The following RP1 variants were observed in gnomAD, a reference collection of about 807,000 sequenced individuals.
RP1 encodes oxygen-regulated protein 1.
In RP1, 16 loss-of-function variants were observed where a neutral mutation model predicts 14.8. The observed-to-expected ratio is 1.08, with a 90% confidence interval of 0.73 to 1.65. The LOEUF is 1.65. RP1 is among the 40% of genes most tolerant of loss of function. The probability of loss-of-function intolerance (pLI) is 0.00; values close to 1 mark genes in which losing one functional copy is unlikely to be tolerated. For missense variants in RP1, 2,631 were observed against 2,535.0 expected (o/e 1.04, Z -0.81); for synonymous variants, 876 against 883.6 (o/e 0.99, Z 0.15).
At chr8:54,702,260 A>G (rs1422548536) in intron 14 of RP1, among the ~76,000 whole-genome samples, 2 of 152,210 alleles carry the variant, frequency 1.3e-5, no homozygotes, top group South Asian at 2.1e-4. Flanking sequence ...TAACTAGTAT[A>G]GCATAGTTAT....
chr8:54,565,662 T>C (rs571909856), intron 1 of RP1, among the ~76,000 whole-genome samples: 14 of 152,240 alleles, frequency 9.2e-5, no homozygotes, highest in Admixed American at 3.3e-4. Context: ...GGTTAGGGTA[T>C]GTGAGAAACA....
At chr8:54,590,545 G>C (rs760865809) in intron 1 of RP1, among the ~76,000 whole-genome samples, 7 of 152,020 alleles carry the variant, frequency 4.6e-5, no homozygotes, top group Non-Finnish European at 8.8e-5. Context: ...CTCTTACCTT[G>C]TTGGCCACAC....
intron 24 of RP1, among the ~76,000 whole-genome samples, chr8:54,804,676 T>C (rs1315975802): frequency 1.3e-5 from 2 of 152,316 alleles, no homozygotes; most frequent in East Asian, 1.9e-4. Context: ...TACTTCGTAA[T>C]GTTAAAAGCT....
At chr8:54,593,064 AT>A (rs1364987278) in intron 1 of RP1, among the ~76,000 whole-genome samples, 1 of 152,134 alleles carries the variant, frequency 6.6e-6, no homozygotes, top group Non-Finnish European at 1.5e-5. Context: ...AAATTAGGTG[AT>A]ACCCAGTGCC....
chr8:54,622,147 T>C lies in RP1; in HGVS notation c.646T>C (p.Ser216Pro). Reference protein sequence around the residue: ...VPSLQAVILSSGAVVAAGREP... With the variant: ...VPSLQAVILSPGAVVAAGREP... ...CAGCCTCCAGGCAGTGATCCTGAGC[T>C]CTGGAGCTGTGGTGGCGGCAGGAAG... is the stretch of plus-strand genomic sequence containing the variant. Residue 216 changes from serine (S) to proline (P), a missense_variant, in exon 3 of 4, where the codon TCT (serine) becomes CCT (proline). Transcript: ENST00000220676. The C allele has an allele frequency of 6.2e-7, 1 of 1,614,174 alleles. No homozygotes were observed. Among genetic ancestry groups the C allele is most frequent in the Non-Finnish European group, 8.5e-7 (1 of 1,180,036 alleles).
At chr8:54,745,679 T>C (rs1169792775) in intron 19 of RP1, among the ~76,000 whole-genome samples, 1 of 135,040 alleles carries the variant, frequency 7.4e-6, no homozygotes, top group East Asian at 2.1e-4. Flanking sequence ...TTCTTTTTCC[T>C]TTTTTTTTTT....
intron 12 of RP1, among the ~76,000 whole-genome samples, chr8:54,684,476 C>A (rs1807509995): frequency 1.3e-5 from 2 of 152,062 alleles, no homozygotes; most frequent in Admixed American, 1.3e-4. Flanking sequence ...TTTATTACTG[C>A]CTCAATTTCA....
chr8:54,723,487 A>G (rs1808581383), intron 16 of RP1, among the ~76,000 whole-genome samples: 2 of 152,082 alleles, frequency 1.3e-5, no homozygotes, highest in Non-Finnish European at 2.9e-5. Context: ...CTACCATTTA[A>G]CTGTTCTTGC....
chr8:54,840,283 C>G (rs1053959371), intron 25 of RP1, among the ~76,000 whole-genome samples: 1 of 151,916 alleles, frequency 6.6e-6, no homozygotes, highest in East Asian at 1.9e-4. Flanking sequence ...GATGGAGTCT[C>G]TCTCTGTTGC....
At chr8:54,747,372 T>C (rs1809251762) in intron 19 of RP1, among the ~76,000 whole-genome samples, 1 of 152,220 alleles carries the variant, frequency 6.6e-6, no homozygotes, top group South Asian at 2.1e-4. Context: ...ACATTTGCTC[T>C]TGATCACATC....
Position 54,627,133 on chromosome 8 carries a change from C to T in RP1, c.3251C>T (p.Pro1084Leu), listed in dbSNP as rs1431000310. The T allele has an allele frequency of 5.0e-6, 8 of 1,614,020 alleles. No homozygotes were observed. Among genetic ancestry groups the T allele is most frequent in the Non-Finnish European group, 6.8e-6 (8 of 1,179,988 alleles). Reference sequence around the variant, plus strand: ...GAGGAAACTCCAAAAGACCTCTTACCAGTCCTGATGCTTCACCAATTGCAA... The same window carrying T: ...GAGGAAACTCCAAAAGACCTCTTACTAGTCCTGATGCTTCACCAATTGCAA... ...IEEETPKDLL[P>L]VLMLHQLQAS... The change falls in exon 4 of 4, where the codon CCA becomes CTA. Residue 1084 changes from proline to leucine, a missense_variant. Transcript: ENST00000220676.
intron 24 of RP1, among the ~76,000 whole-genome samples, chr8:54,832,416 A>C (rs2129401505): frequency 6.6e-6 from 1 of 151,584 alleles, no homozygotes; most frequent in South Asian, 2.1e-4. Flanking sequence ...ATTTTATTCC[A>C]TTAATTATTA....
chr8:54,840,711 A>G (rs757498673), intron 25 of RP1, among the ~76,000 whole-genome samples: 2 of 151,746 alleles, frequency 1.3e-5, no homozygotes, highest in Non-Finnish European at 2.9e-5. Flanking sequence ...TTGAGCAGCA[A>G]TAAAGGCTCA....
At position 54,628,689 on chromosome 8, in the gene RP1, CCAT is replaced by C; in HGVS notation, c.4808_4810del (p.Pro1603_Tyr1604delinsHis). 1.9e-6 allele frequency: 3 copies of C among 1,614,004 alleles called. No individual in the cohort carries two copies. The highest frequency in any genetic ancestry group is 2.5e-6 in the Non-Finnish European group (3 of 1,179,946). On this transcript the variant is annotated inframe_deletion, in exon 4 of 4. Coordinates refer to ENST00000220676, the MANE Select transcript of RP1 (RefSeq NM_006269.2). The stretch of plus-strand genomic sequence containing the variant: ...TCGGCCTGACAGTGACAGTGAGCAG[CCAT>C]ATAAAACATCCAGTGATGATCCCAA...
intron 12 of RP1, among the ~76,000 whole-genome samples, chr8:54,680,819 G>C (rs1455138055): frequency 6.6e-6 from 1 of 151,974 alleles, no homozygotes; most frequent in Non-Finnish European, 1.5e-5. Flanking sequence ...TTAGCCGGGC[G>C]TGGTGGTGGG....
intron 19 of RP1, among the ~76,000 whole-genome samples, chr8:54,750,434 T>C (rs1809332305): frequency 6.6e-6 from 1 of 152,244 alleles, no homozygotes; most frequent in Admixed American, 6.5e-5. Flanking sequence ...GCCCTCTTAC[T>C]GTTAACTTGG....
intron 15 of RP1, among the ~76,000 whole-genome samples, chr8:54,717,213 AAG>A (rs2129349169): frequency 6.6e-6 from 1 of 152,230 alleles, no homozygotes; most frequent in Non-Finnish European, 1.5e-5. Context: ...TACAAATAAA[AAG>A]CACCTTTTTA....
At chr8:54,797,263 T>C (rs1281650096) in intron 24 of RP1, among the ~76,000 whole-genome samples, 1 of 152,156 alleles carries the variant, frequency 6.6e-6, no homozygotes, top group Non-Finnish European at 1.5e-5. Flanking sequence ...ATAGGTTTTA[T>C]AGAGGAGGAC....
intron 19 of RP1, among the ~76,000 whole-genome samples, chr8:54,743,064 G>A (rs559850207): frequency 2.0e-5 from 3 of 152,206 alleles, no homozygotes; most frequent in South Asian, 4.1e-4. Flanking sequence ...CATTACCAAA[G>A]CAATGTAAGA....
Sources: gnomAD v4.1 joint callset for allele counts (sites outside exome capture counted in the v4.1 genomes callset) on GRCh38, gnomAD v4.1.1 for gene constraint, MANE v1.5 for transcripts, NCBI Gene and HGNC (gene_info 2026-07-23, HGNC 2026-07-21) for gene names.